CNTNAP2: variants seen among roughly 807,000 people sequenced by gnomAD.
The protein encoded by CNTNAP2 is contactin associated protein 2.
Under a neutral mutation model 155.2 loss-of-function variants are expected in CNTNAP2, and 98 were observed. The observed-to-expected ratio is 0.63, with a 90% confidence interval of 0.54 to 0.75. The LOEUF (loss-of-function observed/expected upper bound fraction) is 0.75, where lower values mean the gene tolerates loss of function less well. CNTNAP2 is among the 30% of genes least tolerant of loss of function. CNTNAP2 has a pLI of 0.00. For synonymous variants in CNTNAP2, 651 were observed against 631.2 expected, an observed-to-expected ratio of 1.03 and a Z score of -0.47; for missense variants, 1,727 against 1,688.1, an observed-to-expected ratio of 1.02 and a Z score of -0.40.
intron 8 of CNTNAP2, among the ~76,000 whole-genome samples, chr7:147,248,019 A>G (rs1280471685): frequency 2.0e-5 from 3 of 152,324 alleles, no homozygotes; most frequent in Middle Eastern, 3.4e-3. Context: ...TCAATTCCTT[A>G]CCATTACTTT....
intron 1 of CNTNAP2, among the ~76,000 whole-genome samples, chr7:146,253,031 C>T (rs1002821184): frequency 6.6e-6 from 1 of 152,086 alleles, no homozygotes; most frequent in Non-Finnish European, 1.5e-5. Flanking sequence ...ACAACTTTAC[C>T]AAACTCACAT....
chr7:146,308,493 A>T (rs1200924830), intron 1 of CNTNAP2, among the ~76,000 whole-genome samples: 1 of 152,132 alleles, frequency 6.6e-6, no homozygotes, highest in Non-Finnish European at 1.5e-5. Context: ...TACCCAAAAG[A>T]TTATAAATCA....
At chr7:146,376,109 C>T (rs1795299859) in intron 1 of CNTNAP2, among the ~76,000 whole-genome samples, 2 of 152,160 alleles carry the variant, frequency 1.3e-5, no homozygotes, top group Admixed American at 1.3e-4. Flanking sequence ...TAGTTGGCTG[C>T]TTGCCTTATG....
chr7:148,018,827 A>T (rs1186886184), intron 15 of CNTNAP2, among the ~76,000 whole-genome samples: 1 of 152,196 alleles, frequency 6.6e-6, no homozygotes, highest in African/African-American at 2.4e-5. Context: ...TGCTTCTCAC[A>T]AGGTTTTTTG....
rs376857508 is a variant in CNTNAP2 at position 147,046,766 on chromosome 7, A to C, written c.550+2712A>C. ...AAGTTTAGGCCGGGCGCGGTGGCTCACACCTGTAATCCCAGCACTTTGGGA... is the reference window on the plus strand; with the variant it reads ...AAGTTTAGGCCGGGCGCGGTGGCTCCCACCTGTAATCCCAGCACTTTGGGA... On this transcript the variant is annotated intron_variant, in intron 4 of 23. Transcript: ENST00000361727. 1.1e-3 allele frequency among the ~76,000 whole-genome samples: 165 copies of C among 152,208 alleles called. 1 individual carries two copies. Among genetic ancestry groups the C allele is most frequent in the African/African-American group, 3.8e-3 (156 of 41,560 alleles).
intron 8 of CNTNAP2, among the ~76,000 whole-genome samples, chr7:147,255,024 A>G (rs1563135224): frequency 6.6e-6 from 1 of 152,208 alleles, no homozygotes; most frequent in African/African-American, 2.4e-5. Context: ...CAACTTAGAT[A>G]TAAAATTATG....
At chr7:147,686,041 G>T (rs1460117625) in intron 13 of CNTNAP2, among the ~76,000 whole-genome samples, 2 of 151,940 alleles carry the variant, frequency 1.3e-5, no homozygotes, top group African/African-American at 4.8e-5. Context: ...TTTGAGCAGA[G>T]CAATGAAATA....
At chr7:147,369,257 G>A (rs762188546) in intron 9 of CNTNAP2, among the ~76,000 whole-genome samples, 1 of 152,132 alleles carries the variant, frequency 6.6e-6, no homozygotes, top group Non-Finnish European at 1.5e-5. Flanking sequence ...CATCGTATTG[G>A]ATATCTTCTC....
At chr7:146,659,941 G>A (rs552858922) in intron 1 of CNTNAP2, among the ~76,000 whole-genome samples, 40 of 152,314 alleles carry the variant, frequency 2.6e-4, no homozygotes, top group African/African-American at 9.6e-4. Context: ...CTTTACAAGT[G>A]AGGGCCAGGA....
At chr7:147,320,834 G>C (rs62482161) in intron 9 of CNTNAP2, among the ~76,000 whole-genome samples, 5,264 of 152,206 alleles carry the variant, frequency 0.035, 124 homozygotes, top group South Asian at 0.052. Context: ...TCTGAGAAGG[G>C]CATTCTGCTT....
chr7:147,563,862 A>C (rs1036844864), intron 12 of CNTNAP2, among the ~76,000 whole-genome samples: 2 of 152,156 alleles, frequency 1.3e-5, no homozygotes, highest in Non-Finnish European at 2.9e-5. Context: ...AAAACCATGA[A>C]TGGTACTCTA....
intron 8 of CNTNAP2, among the ~76,000 whole-genome samples, chr7:147,247,145 T>A (rs1249018789): frequency 6.6e-6 from 1 of 152,240 alleles, no homozygotes; most frequent in African/African-American, 2.4e-5. Flanking sequence ...GGACATATTT[T>A]CTAGATATTA....
intron 10 of CNTNAP2, among the ~76,000 whole-genome samples, chr7:147,429,152 G>GTATATATATA (rs141561595): frequency 1.0e-4 from 15 of 145,840 alleles, no homozygotes; most frequent in African/African-American, 3.8e-4. Flanking sequence ...GTGTGTTTGT[G>GTATATATATA]TATATATATA....
At chr7:146,151,645 T>G (rs13223941) in intron 1 of CNTNAP2, among the ~76,000 whole-genome samples, 22 of 21,344 alleles carry the variant, frequency 1.0e-3, no homozygotes, top group African/African-American at 2.6e-3. Flanking sequence ...GATATATATA[T>G]ATATATATAT....
At chr7:146,298,802 T>A (rs959013582) in intron 1 of CNTNAP2, among the ~76,000 whole-genome samples, 2 of 152,192 alleles carry the variant, frequency 1.3e-5, no homozygotes, top group Non-Finnish European at 2.9e-5. Context: ...AGTGATGTGA[T>A]CTCTTAGAGA....
At chr7:146,910,814 T>A (rs988887028) in intron 3 of CNTNAP2, among the ~76,000 whole-genome samples, 1 of 148,524 alleles carries the variant, frequency 6.7e-6, no homozygotes, top group African/African-American at 2.5e-5. Context: ...TGGGATCTAA[T>A]TAAACTAAAG....
At chr7:146,529,790 C>T (rs536397421) in intron 1 of CNTNAP2, among the ~76,000 whole-genome samples, 1 of 151,922 alleles carries the variant, frequency 6.6e-6, no homozygotes, top group Non-Finnish European at 1.5e-5. Context: ...CATGGTGAAA[C>T]CCCGTCTCTA....
At chr7:148,181,346 T>C (rs535672104) in intron 18 of CNTNAP2, among the ~76,000 whole-genome samples, 86 of 152,162 alleles carry the variant, frequency 5.7e-4, no homozygotes, top group African/African-American at 2.0e-3. Context: ...ATTAAAAGCT[T>C]AAAAAATAAA....
chr7:146,197,106 T>G (rs1798788364), intron 1 of CNTNAP2, among the ~76,000 whole-genome samples: 2 of 152,142 alleles, frequency 1.3e-5, no homozygotes, highest in African/African-American at 4.8e-5. Flanking sequence ...ATTATACAGG[T>G]TGAAAAGTTT....
Sources: gnomAD v4.1 joint callset for allele counts (sites outside exome capture counted in the v4.1 genomes callset) on GRCh38, gnomAD v4.1.1 for gene constraint, MANE v1.5 for transcripts, NCBI Gene and HGNC (gene_info 2026-07-23, HGNC 2026-07-21) for gene names.